Variants in ABCA13 observed in about 807,000 individuals in gnomAD.
ABCA13 encodes ATP-binding cassette sub-family A member 13.
A neutral mutation model predicts 478.7 loss-of-function variants in ABCA13; 476 were observed. That is an observed-to-expected ratio of 0.99 (90% CI 0.92 to 1.07). The LOEUF (loss-of-function observed/expected upper bound fraction) is 1.07. Ranked by LOEUF, ABCA13 falls within the 50% of genes least tolerant of loss-of-function variation. The pLI is 0.00. For synonymous variants in ABCA13, 2,252 were observed against 2,158.9 expected (o/e 1.04, Z -1.20); for missense variants, 6,060 against 5,910.6 (o/e 1.03, Z -0.83).
intron 55 of ABCA13, among the ~76,000 whole-genome samples, chr7:48,573,147 A>ATC (rs1787836740): frequency 6.6e-6 from 1 of 151,826 alleles, no homozygotes; most frequent in African/African-American, 2.4e-5. Flanking sequence ...TTACTGTCTT[A>ATC]ATTTTGCTTA....
intron 6 of ABCA13, among the ~76,000 whole-genome samples, 155 bp downstream of exon 6, chr7:48,227,580 T>A (rs904761172): frequency 6.6e-6 from 1 of 152,204 alleles, no homozygotes; most frequent in Non-Finnish European, 1.5e-5. Flanking sequence ...TCCACGAACG[T>A]CCCTCATCTG....
In ABCA13 at chr7:48,473,407, G is replaced by A. The variant is rs545283519; in HGVS notation, c.12975+1808G>A. 4.6e-5 allele frequency among the ~76,000 whole-genome samples: 7 copies of A among 152,280 alleles called. No homozygotes were observed. The South Asian group carries it at 1.5e-3, about 32-fold the overall frequency. The stretch of plus-strand genomic sequence containing the variant: ...GTGAAACTTGCTGACTACACAGGAG[G>A]CCCCTTTCTGTGAGGGAATTCATCT... On this transcript the variant is annotated intron_variant, in intron 45 of 61. Coordinates refer to ENST00000435803, the MANE Select transcript of ABCA13 (RefSeq NM_152701.5).
chr7:48,549,847 A>G (rs1785148989), intron 55 of ABCA13, among the ~76,000 whole-genome samples: 1 of 151,856 alleles, frequency 6.6e-6, no homozygotes, highest in African/African-American at 2.4e-5. Context: ...TTTGTTGGCC[A>G]GTTGAATGTC....
chr7:48,450,515 G>T (rs375958210), intron 42 of ABCA13, among the ~76,000 whole-genome samples: 10 of 152,096 alleles, frequency 6.6e-5, no homozygotes, highest in Admixed American at 2.6e-4. Context: ...TAGGGTTTAT[G>T]AATTATTGGA....
At chr7:48,288,886 C>A (rs1798126441) in intron 20 of ABCA13, among the ~76,000 whole-genome samples, 1 of 152,142 alleles carries the variant, frequency 6.6e-6, no homozygotes, top group East Asian at 1.9e-4. Context: ...GACCCCTGGG[C>A]CCCTAGGTAG....
intron 55 of ABCA13, among the ~76,000 whole-genome samples, chr7:48,565,085 G>A (rs1034445280): frequency 6.6e-6 from 1 of 152,064 alleles, no homozygotes; most frequent in African/African-American, 2.4e-5. Flanking sequence ...TGCGGAAACG[G>A]TGATAAACAT....
intron 59 of ABCA13, among the ~76,000 whole-genome samples, chr7:48,632,889 C>G (rs921517211): frequency 6.6e-6 from 1 of 151,968 alleles, no homozygotes; most frequent in African/African-American, 2.4e-5. Context: ...GAAGCTGGGC[C>G]CCTACCTCTC....
intron 51 of ABCA13, among the ~76,000 whole-genome samples, chr7:48,514,052 C>A (rs1831922063): frequency 6.6e-6 from 1 of 152,204 alleles, no homozygotes; most frequent in African/African-American, 2.4e-5. Flanking sequence ...TAACTAGATA[C>A]AGATCCTGAA....
rs182635977 is a variant in ABCA13 at position 48,388,963 on chromosome 7, T to C, written c.11474-77T>C. On this transcript the variant is annotated intron_variant, in intron 36 of 61. Transcript: ENST00000435803. Reference sequence around the variant, plus strand: ...GCTGGAATTCAATTTCAAAGCAGAATGCTGAATTAATAAATATGAGCATTA... The same window carrying C: ...GCTGGAATTCAATTTCAAAGCAGAACGCTGAATTAATAAATATGAGCATTA... 1.0e-4 allele frequency: 152 copies of C among 1,499,904 alleles called. No individual in the cohort carries two copies. The African/African-American group carries it at 2.0e-3, about 19-fold the overall frequency. 92.9% of individuals were successfully genotyped at this position (1,499,904 alleles called of 1,614,324 possible).
intron 9 of ABCA13, among the ~76,000 whole-genome samples, chr7:48,240,131 A>G (rs1790593625): frequency 6.6e-6 from 1 of 152,226 alleles, no homozygotes; most frequent in Non-Finnish European, 1.5e-5. Context: ...AATATGTGTC[A>G]TGTATAAAGG....
At position 48,279,518 on chromosome 7, in the gene ABCA13, T is replaced by C. The variant is rs1210705072; in HGVS notation, c.8324T>C (p.Ile2775Thr). ...CATCCAAATAACCTTTTGAAAACCA[T>C]AGAAACAGTTTTAGAGGCCTCCAGT... Reference protein sequence around the residue: ...TQHPNNLLKTIETVLEASSGI... With the variant: ...TQHPNNLLKTTETVLEASSGI... Residue 2775 changes from isoleucine to threonine, a missense_variant, in exon 18 of 62, where the codon ATA (isoleucine) becomes ACA (threonine). Ile to Thr is a moderately conservative substitution (Grantham distance 89). Transcript: ENST00000435803. 2.4e-5 allele frequency: 38 copies of C among 1,613,306 alleles called. No individual in the cohort carries two copies. The highest frequency in any genetic ancestry group is 3.0e-5 in the Non-Finnish European group (35 of 1,179,664).
chr7:48,630,537 C>T (rs1430109059), intron 59 of ABCA13, among the ~76,000 whole-genome samples: 2 of 151,984 alleles, frequency 1.3e-5, no homozygotes, highest in African/African-American at 2.4e-5. Context: ...ATATATGTAC[C>T]ACATTTTCTT....
At chr7:48,183,830 AT>A (rs1023918088) in intron 1 of ABCA13, among the ~76,000 whole-genome samples, 8 of 151,502 alleles carry the variant, frequency 5.3e-5, no homozygotes, top group South Asian at 2.1e-4. Flanking sequence ...ATGACTTCCA[AT>A]TTTTTTTTCT....
chr7:48,442,345 AG>A (rs1345581387), intron 42 of ABCA13, among the ~76,000 whole-genome samples: 1 of 152,148 alleles, frequency 6.6e-6, no homozygotes, highest in Non-Finnish European at 1.5e-5. Flanking sequence ...CTCTAAACTG[AG>A]GTTTAGAGAT....
Position 48,645,719 on chromosome 7 carries a change from A to C in ABCA13, c.*207A>C. ...TCATTCTTTCTGCAGACTTTTGGGGAGCTCCTCCAAAACATTTGTTCTCTT... is the reference window on the plus strand; with the variant it reads ...TCATTCTTTCTGCAGACTTTTGGGGCGCTCCTCCAAAACATTTGTTCTCTT... On this transcript the variant is annotated 3_prime_UTR_variant, in exon 62 of 62. Transcript: ENST00000435803. 3 of 511,576 alleles carry C rather than the reference A, an allele frequency of 5.9e-6. No homozygotes were observed. Among genetic ancestry groups the C allele is most frequent in the South Asian group, 2.4e-5 (1 of 42,270 alleles). 31.7% of individuals were successfully genotyped at this position (511,576 alleles called of 1,614,324 possible).
chr7:48,239,165 C>G, intron 8 of ABCA13, 76 bp from the exon 9 acceptor site: 2 of 1,470,826 alleles, frequency 1.4e-6, no homozygotes, highest in Non-Finnish European at 1.9e-6. Flanking sequence ...GTGGCAAGAT[C>G]GTGGTGTTAT....
Position 48,314,344 on chromosome 7 carries a change from A to T in ABCA13, c.9794A>T (p.Asn3265Ile). Residue 3265 changes from asparagine to isoleucine, a missense_variant, in exon 26 of 62, where the codon AAT (asparagine) becomes ATT (isoleucine). Asn to Ile is a moderately radical substitution (Grantham distance 149). Coordinates refer to ENST00000435803, the MANE Select transcript of ABCA13 (RefSeq NM_152701.5). ...SFLSDSNMFINLPRVKELLED... is the reference protein window; with the variant it reads ...SFLSDSNMFIILPRVKELLED... Reference sequence around the variant, plus strand: ...CTTAGCGATTCTAATATGTTTATTAATTTGCCCAGAGTTAAGGAACTCTTG... The same window carrying T: ...CTTAGCGATTCTAATATGTTTATTATTTTGCCCAGAGTTAAGGAACTCTTG... 1 of 1,612,106 alleles carries T rather than the reference A, an allele frequency of 6.2e-7. No homozygotes were observed. The highest frequency in any genetic ancestry group is 8.5e-7 in the Non-Finnish European group (1 of 1,178,856).
intron 35 of ABCA13, among the ~76,000 whole-genome samples, chr7:48,382,802 A>G (rs1814599812): frequency 6.6e-6 from 1 of 151,342 alleles, no homozygotes; most frequent in African/African-American, 2.4e-5. Flanking sequence ...AATGAAGGTC[A>G]TAAGAAGGCG....
At chr7:48,370,076 T>C (rs554751380) in intron 32 of ABCA13, among the ~76,000 whole-genome samples, 14 of 152,292 alleles carry the variant, frequency 9.2e-5, no homozygotes, top group Non-Finnish European at 2.1e-4. Context: ...TAACAGTGTT[T>C]TGTAGTTTTC....
Sources: allele counts gnomAD v4.1 joint callset (sites outside exome capture counted in the v4.1 genomes callset), GRCh38; gene constraint gnomAD v4.1.1; transcripts MANE v1.5; gene names NCBI Gene and HGNC (gene_info 2026-07-23, HGNC 2026-07-21).